The following NPC1L1 variants were observed in gnomAD, a reference collection of about 807,000 sequenced individuals.
NPC1L1 encodes the protein NPC1 like intracellular cholesterol transporter 1, also known as NPC1-like intracellular cholesterol transporter 1.
A neutral mutation model predicts 117.0 loss-of-function variants in NPC1L1; 98 were observed. That is an observed-to-expected ratio of 0.84 (90% CI 0.71 to 0.99). The LOEUF is 0.99. NPC1L1 is among the 50% of genes least tolerant of loss of function. The pLI is 0.00. For synonymous variants in NPC1L1, 729 were observed against 727.6 expected (o/e 1.00, Z -0.03); for missense variants, 1,540 against 1,710.0 (o/e 0.90, Z 1.75).
rs758185115 is a variant in NPC1L1, at chr7:44,539,548, G to T, written c.849C>A (p.Gly283=). 5.0e-6 allele frequency: 8 copies of T among 1,613,976 alleles called. No individual in the cohort carries two copies. In the Admixed American group the frequency reaches 1.2e-4, roughly 24 times the overall value. Reference sequence around the variant, plus strand: ...AGAGGATGATGATGAGGACCAGACTGCCCGGCATCTGGCCCAGGTAGAAGG... The same window carrying T: ...AGAGGATGATGATGAGGACCAGACTTCCCGGCATCTGGCCCAGGTAGAAGG... The part of the protein sequence containing the change: ...DSTFYLGQMP[G]SLVLIIILCS... Residue 283 remains glycine, a synonymous_variant, in exon 2 of 19, where the codon GGC becomes GGA. Transcript: ENST00000381160. This position sits in a 1 kb window ranked among gnomAD's most constrained non-coding sequence, Gnocchi z 4.4.
intron 10 of NPC1L1, among the ~76,000 whole-genome samples, chr7:44,530,463 G>A (rs2117054550): frequency 6.6e-6 from 1 of 152,218 alleles, no homozygotes; most frequent in South Asian, 2.1e-4. Context: ...GATGGATGGT[G>A]GTGATAGTTG....
intron 18 of NPC1L1, among the ~76,000 whole-genome samples, chr7:44,515,599 T>C (rs1042076195): frequency 7.2e-5 from 11 of 152,140 alleles, no homozygotes; most frequent in African/African-American, 2.4e-4. Flanking sequence ...GAGACATACA[T>C]AGCTGACAAA....
chr7:44,529,381 C>CTT (rs374200724), intron 10 of NPC1L1, among the ~76,000 whole-genome samples: 26 of 141,776 alleles, frequency 1.8e-4, no homozygotes, highest in African/African-American at 4.9e-4. Context: ...ACAAAATATA[C>CTT]TTTTTTTTTT....
At chr7:44,513,755 G>A (rs953228835) in intron 18 of NPC1L1, 106 bp from the exon 19 acceptor site, 4 of 1,246,350 alleles carry the variant, frequency 3.2e-6, no homozygotes, top group South Asian at 1.2e-5. Context: ...GGTCCCAGGG[G>A]GGATCTGTGC....
intron 12 of NPC1L1, 147 bp downstream of exon 12, chr7:44,521,565 C>T: frequency 7.7e-7 from 1 of 1,300,906 alleles, no homozygotes; most frequent in Non-Finnish European, 1.1e-6. Flanking sequence ...AGTGCCTGTC[C>T]CTCAGGCCAC....
chr7:44,536,315 C>T lies in NPC1L1; in HGVS notation c.1795G>A (p.Glu599Lys), dbSNP rs769471545. 3.7e-6 allele frequency: 6 copies of T among 1,614,142 alleles called. No individual in the cohort carries two copies. The highest frequency in any genetic ancestry group is 5.1e-6 in the Non-Finnish European group (6 of 1,180,050). ...AKLWEEAFLE[E>K]MRAFQRRMAG... ...ATCCGACGCTGGAAGGCTCGCATTT[C>T]CTCTAAGAAGGCCTCCTCCCACAGC... The change falls in exon 4 of 19, where the codon GAA becomes AAA. Residue 599 changes from glutamate (E) to lysine (K), a missense_variant. Transcript: ENST00000381160. This position sits in a 1 kb window ranked among gnomAD's most constrained non-coding sequence, Gnocchi z 4.7.
intron 14 of NPC1L1, among the ~76,000 whole-genome samples, chr7:44,518,114 A>C (rs1391328109): frequency 1.6e-5 from 2 of 122,726 alleles, no homozygotes; most frequent in Non-Finnish European, 3.3e-5. Flanking sequence ...ATCCCATCTC[A>C]AAAAAAAAAA....
rs865782617 is a variant in NPC1L1 at position 44,536,666 on chromosome 7, A to G, written c.1681+176T>C. On this transcript the variant is annotated intron_variant, in intron 3 of 18. Coordinates refer to ENST00000381160, the MANE Select transcript of NPC1L1 (RefSeq NM_001101648.2). The surrounding 1 kb of genome is among the most constrained non-coding windows in gnomAD (Gnocchi z 4.7). The stretch of plus-strand genomic sequence containing the variant: ...ACCACAGTGCCTGAGTAACACTACT[A>G]GAAGATAAAGGAGATGGCAGAGAGA... 1.3e-5 allele frequency among the ~76,000 whole-genome samples: 2 copies of G among 152,250 alleles called. No homozygotes were observed. Among genetic ancestry groups the G allele is most frequent in the Middle Eastern group, 6.8e-3 (2 of 294 alleles).
chr7:44,538,866 C>T lies in NPC1L1; in HGVS notation c.1531G>A (p.Gly511Arg). 6.2e-7 allele frequency: 1 copy of T among 1,614,190 alleles called. No homozygotes were observed. Among genetic ancestry groups the T allele is most frequent in the Non-Finnish European group, 8.5e-7 (1 of 1,180,038 alleles). ...TTCCAGTCGACTTGGGAGGTCTGCC[C>T]CATCAGTGTCTGGTTGGCTGTGAGC... Reference protein sequence around the residue: ...LLLTANQTLMGQTSQVDWKDH... With the variant: ...LLLTANQTLMRQTSQVDWKDH... Residue 511 changes from glycine to arginine, a missense_variant, in exon 2 of 19, where the codon GGG (glycine) becomes AGG (arginine). By Grantham distance (125) the Gly-to-Arg change is moderately radical. This residue lies in a region of NPC1L1 where 793 missense variants were observed against 820.4 expected (regional missense o/e 0.97). Coordinates refer to ENST00000381160, the MANE Select transcript of NPC1L1 (RefSeq NM_001101648.2). This position sits in a 1 kb window ranked among gnomAD's most constrained non-coding sequence, Gnocchi z 5.9.
Position 44,536,168 on chromosome 7 carries a change from G to C in NPC1L1, c.1854+88C>G. ...GCAGCCACTGCCCAGGGTCACTTAG[G>C]AAGGGCCAGGGCCAGGATGGGGACA... is the stretch of plus-strand genomic sequence containing the variant. On this transcript the variant is annotated intron_variant, in intron 4 of 18. Transcript: ENST00000381160. The surrounding 1 kb of genome is among the most constrained non-coding windows in gnomAD (Gnocchi z 4.7). The C allele has an allele frequency of 6.3e-7, 1 of 1,589,792 alleles. No homozygotes were observed. The highest frequency in any genetic ancestry group is 1.1e-5 in the South Asian group (1 of 90,386).
At chr7:44,525,094 A>C (rs1357225735) in intron 10 of NPC1L1, among the ~76,000 whole-genome samples, 2 of 152,168 alleles carry the variant, frequency 1.3e-5, no homozygotes, top group Non-Finnish European at 2.9e-5. Context: ...ATAGACCAAA[A>C]TATGAATTGT....
At position 44,536,988 on chromosome 7, in the gene NPC1L1, C is replaced by T. The variant is rs568245196; in HGVS notation, c.1581-46G>A. On this transcript the variant is annotated intron_variant, in intron 2 of 18. Transcript: ENST00000381160. This position sits in a 1 kb window ranked among gnomAD's most constrained non-coding sequence, Gnocchi z 4.7. ...AGGGAAAGGGCCTTTCCTGGCCCTGCCCAGTCCCTATGGCCCCTCCCTTCC... is the reference window on the plus strand; with the variant it reads ...AGGGAAAGGGCCTTTCCTGGCCCTGTCCAGTCCCTATGGCCCCTCCCTTCC... The T allele has an allele frequency of 1.4e-5, 21 of 1,530,094 alleles. 1 individual carries two copies. In the South Asian group the frequency reaches 2.1e-4, roughly 15 times the overall value. The allele number at this position is 1,530,094 out of a possible 1,614,324, so 94.8% of individuals were successfully genotyped here.
At chr7:44,516,644 A>T (rs1160512147) in intron 16 of NPC1L1, 59 bp downstream of exon 16, 6 of 1,327,768 alleles carry the variant, frequency 4.5e-6, no homozygotes, top group Non-Finnish European at 5.3e-6. Context: ...GTATTCTATG[A>T]GGCTGGATCC....
chr7:44,530,561 T>C (rs1801665445), intron 10 of NPC1L1, among the ~76,000 whole-genome samples: 1 of 151,704 alleles, frequency 6.6e-6, no homozygotes, highest in African/African-American at 2.4e-5. Flanking sequence ...TTTACCACAA[T>C]AAAAAACGGA....
In NPC1L1 at chr7:44,536,470, C is replaced by A; in HGVS notation, c.1682-42G>T. 1 of 1,594,950 alleles carries A rather than the reference C, an allele frequency of 6.3e-7. No individual in the cohort carries two copies. The highest frequency in any genetic ancestry group is 8.5e-7 in the Non-Finnish European group (1 of 1,173,524). Reference sequence around the variant, plus strand: ...TCAGACCCTTCCTGCTGCACCCGTGCCTCCCTCCCCCTCCAGCTGCACCCC... The same window carrying A: ...TCAGACCCTTCCTGCTGCACCCGTGACTCCCTCCCCCTCCAGCTGCACCCC... On this transcript the variant is annotated intron_variant, in intron 3 of 18. Transcript: ENST00000381160. This position sits in a 1 kb window ranked among gnomAD's most constrained non-coding sequence, Gnocchi z 4.7.
At chr7:44,518,669 C>CAA (rs374773929) in intron 14 of NPC1L1, 2,674 of 934,944 alleles carry the variant, frequency 2.9e-3, no homozygotes, top group African/African-American at 4.6e-3. Context: ...AACTGTGTCT[C>CAA]AAAAAAAAAA....
chr7:44,516,373 G>A (rs1421416700), intron 16 of NPC1L1, among the ~76,000 whole-genome samples, 176 bp from the exon 17 acceptor site: 1 of 152,164 alleles, frequency 6.6e-6, no homozygotes, highest in African/African-American at 2.4e-5. Context: ...GGAGGCCGAG[G>A]TGAGAGGATC....
At chr7:44,527,266 C>A (rs905217320) in intron 10 of NPC1L1, among the ~76,000 whole-genome samples, 2 of 151,742 alleles carry the variant, frequency 1.3e-5, no homozygotes, top group Non-Finnish European at 2.9e-5. Context: ...CAAGACCAGC[C>A]TGACCAACAT....
rs1562571656 is a variant in NPC1L1, at chr7:44,539,412, G to C, written c.985C>G (p.Leu329Val). 2 of 1,614,146 alleles carry C rather than the reference G, an allele frequency of 1.2e-6. No individual in the cohort carries two copies. The highest frequency in any genetic ancestry group is 1.7e-5 in the Admixed American group (1 of 60,026). ...PKKGTSLSDK[L>V]SFSTHTLLGQ... ...AGGAGGGTGTGGGTGGAGAAGCTGA[G>C]CTTGTCAGAGAGGCTGGTGCCCTTC... The change falls in exon 2 of 19, where the codon CTC becomes GTC. Residue 329 changes from leucine (L) to valine (V), a missense_variant. Coordinates refer to ENST00000381160, the MANE Select transcript of NPC1L1 (RefSeq NM_001101648.2). This position sits in a 1 kb window ranked among gnomAD's most constrained non-coding sequence, Gnocchi z 4.4.
Sources: gnomAD v4.1 joint callset for allele counts (sites outside exome capture counted in the v4.1 genomes callset) on GRCh38, gnomAD v4.1.1 for gene constraint, gnomAD v4.1.1 regional missense constraint, Gnocchi (gnomAD v3.1) non-coding constraint, MANE v1.5 for transcripts, NCBI Gene and HGNC (gene_info 2026-07-23, HGNC 2026-07-21) for gene names.